The following PTK2 variants were observed in gnomAD, a reference collection of about 807,000 sequenced individuals.
PTK2 encodes protein tyrosine kinase 2.
Under a neutral mutation model 150.1 loss-of-function variants are expected in PTK2, and 45 were observed. The observed-to-expected ratio is 0.30, with a 90% CI of 0.24 to 0.38. The LOEUF is 0.38. PTK2 is among the 10% of genes least tolerant of loss of function. The pLI is 1.00. For missense variants in PTK2, 919 were observed against 1,307.3 expected, an observed-to-expected ratio of 0.70 and a Z score of 4.58; for synonymous variants, 432 against 449.2, an observed-to-expected ratio of 0.96 and a Z score of 0.48.
At chr8:140,709,844 C>T (rs1362615941) in intron 23 of PTK2, among the ~76,000 whole-genome samples, 1 of 152,102 alleles carries the variant, frequency 6.6e-6, no homozygotes, top group Non-Finnish European at 1.5e-5. Flanking sequence ...CACTGGTATT[C>T]TAAACCAGAG....
Position 140,803,426 on chromosome 8 carries a change from G to A in PTK2, c.975+117C>T, listed in dbSNP as rs768835814. 5.1e-6 allele frequency: 4 copies of A among 784,020 alleles called. No homozygotes were observed. In the Admixed American group the frequency reaches 8.8e-5, roughly 17 times the overall value. 48.6% of individuals were successfully genotyped at this position (784,020 alleles called of 1,614,324 possible). A position where few individuals can be genotyped will look rare whatever the true frequency, so the allele number is the denominator to read the frequency against. ...CTAATGTAACCCTTTCTATATATAA[G>A]AAAGTTGTGATTCTGATGATCCATA... On this transcript the variant is annotated intron_variant, in intron 11 of 31. Coordinates refer to ENST00000522684, the Ensembl canonical transcript of PTK2.
intron 11 of PTK2, among the ~76,000 whole-genome samples, chr8:140,801,365 T>C (rs1469410944): frequency 6.6e-6 from 1 of 152,262 alleles, no homozygotes; most frequent in Non-Finnish European, 1.5e-5. Flanking sequence ...TTTGTCCATC[T>C]TGCAGAAAGG....
chr8:140,989,423 A>C (rs947960477), intron 1 of PTK2, among the ~76,000 whole-genome samples: 1 of 151,666 alleles, frequency 6.6e-6, no homozygotes, highest in African/African-American at 2.4e-5. Context: ...AAAACTACTG[A>C]GACTCAGTGA....
chr8:140,732,239 T>C (rs2100049863), intron 22 of PTK2, among the ~76,000 whole-genome samples: 1 of 152,192 alleles, frequency 6.6e-6, no homozygotes, highest in Admixed American at 6.5e-5. Context: ...TGGTGGCCTA[T>C]TTGGTAGCCT....
chr8:140,927,732 G>C (rs1292791131), intron 1 of PTK2, among the ~76,000 whole-genome samples: 1 of 151,662 alleles, frequency 6.6e-6, no homozygotes, highest in African/African-American at 2.4e-5. Flanking sequence ...AAGGCAGGTG[G>C]ATGACCTGAG....
rs116861326 is a variant in PTK2 at position 140,886,339 on chromosome 8, T to A, written c.195+4204A>T. ...TCCAAGTACTGCAGGTTGAAGAAAG[T>A]GGACGAGGTATGAAATGGTTGTCTA... On this transcript the variant is annotated intron_variant, in intron 3 of 31. Coordinates refer to ENST00000522684, the Ensembl canonical transcript of PTK2. Among the ~76,000 whole-genome samples the A allele has an allele frequency of 3.6e-4, 55 of 152,164 alleles. No homozygotes were observed. The East Asian group carries it at 9.9e-3, about 27-fold the overall frequency.
chr8:140,952,368 C>G (rs1472495943), intron 1 of PTK2, among the ~76,000 whole-genome samples: 1 of 152,158 alleles, frequency 6.6e-6, no homozygotes, highest in Non-Finnish European at 1.5e-5. Flanking sequence ...CTGTAACAAT[C>G]ACATCTGGCA....
At chr8:140,717,491 A>G in intron 23 of PTK2, 107 bp downstream of exon 26, 1 of 842,740 alleles carries the variant, frequency 1.2e-6, no homozygotes, top group Non-Finnish European at 2.0e-6. Context: ...TATTACTCTT[A>G]GAATAACCTG....
In PTK2 at chr8:140,869,464, A is replaced by G. The variant is rs537154786; in HGVS notation, c.363-5065T>C. 5.9e-5 allele frequency among the ~76,000 whole-genome samples: 9 copies of G among 152,302 alleles called. No individual in the cohort carries two copies. The East Asian group carries it at 1.5e-3, about 26-fold the overall frequency. On this transcript the variant is annotated intron_variant, in intron 4 of 31. Transcript: ENST00000522684. ...AATCAGTAGTGTGTTCTGCTCAGGGAGACTGTGACTGATCAGCACAGCTTT... is the reference window on the plus strand; with the variant it reads ...AATCAGTAGTGTGTTCTGCTCAGGGGGACTGTGACTGATCAGCACAGCTTT...
At chr8:140,908,324 T>C (rs565440671) in intron 2 of PTK2, among the ~76,000 whole-genome samples, 2 of 152,160 alleles carry the variant, frequency 1.3e-5, no homozygotes, top group African/African-American at 4.8e-5. Context: ...GTTCATAAGG[T>C]TGAAGGAAAA....
At chr8:140,748,154 T>C (rs1351403338) in intron 17 of PTK2, among the ~76,000 whole-genome samples, 3 of 152,134 alleles carry the variant, frequency 2.0e-5, no homozygotes, top group African/African-American at 7.2e-5. Flanking sequence ...CATCCACCAC[T>C]GTGGTCCTGT....
At chr8:140,802,964 A>G (rs1322563274) in intron 11 of PTK2, among the ~76,000 whole-genome samples, 1 of 149,106 alleles carries the variant, frequency 6.7e-6, no homozygotes. Flanking sequence ...GACTGTACAT[A>G]TAATTCCAAG....
chr8:140,907,124 T>G (rs1175460501), intron 2 of PTK2, among the ~76,000 whole-genome samples: 1 of 152,210 alleles, frequency 6.6e-6, no homozygotes, highest in Non-Finnish European at 1.5e-5. Flanking sequence ...ATATTCCAAC[T>G]GGTCCTAGCG....
chr8:140,782,473 A>G (rs189758028), intron 14 of PTK2, among the ~76,000 whole-genome samples: 59 of 152,262 alleles, frequency 3.9e-4, no homozygotes, highest in African/African-American at 1.3e-3. Flanking sequence ...CTTGGGCTCA[A>G]GTAATCTGCC....
At chr8:140,664,804 G>A in intron 31 of PTK2, 113 bp downstream of exon 35, 1 of 1,036,968 alleles carries the variant, frequency 9.6e-7, no homozygotes, top group African/African-American at 1.6e-5. Flanking sequence ...TAGGGCAGTT[G>A]ATGTCTCTGC....
chr8:140,692,755 T>C (rs931867660), intron 26 of PTK2, among the ~76,000 whole-genome samples: 2 of 152,228 alleles, frequency 1.3e-5, no homozygotes, highest in African/African-American at 4.8e-5. Flanking sequence ...CACTATACTG[T>C]ATTGCTTTCA....
intron 1 of PTK2, among the ~76,000 whole-genome samples, chr8:140,989,371 G>A (rs1343683821): frequency 6.6e-6 from 1 of 151,608 alleles, no homozygotes; most frequent in African/African-American, 2.4e-5. Context: ...TCCAGCCTGG[G>A]AAACAAAGCA....
intron 3 of PTK2, 24 bp downstream of exon 3, chr8:140,890,519 T>A: frequency 6.4e-7 from 1 of 1,570,014 alleles, no homozygotes; most frequent in Non-Finnish European, 8.8e-7. Context: ...ACATTAAAGA[T>A]GTCTCATGGA....
intron 2 of PTK2, among the ~76,000 whole-genome samples, chr8:140,894,796 G>C (rs927380098): frequency 3.3e-5 from 5 of 152,210 alleles, no homozygotes; most frequent in Non-Finnish European, 5.9e-5. Context: ...CAGGAATGGA[G>C]GATGTGGTGT....
Sources: gnomAD v4.1 joint callset for allele counts (sites outside exome capture counted in the v4.1 genomes callset) on GRCh38, gnomAD v4.1.1 for gene constraint, MANE v1.5 for transcripts, NCBI Gene and HGNC (gene_info 2026-07-23, HGNC 2026-07-21) for gene names.